Variants in KLF12 observed in about 807,000 individuals in gnomAD.
KLF12 encodes the protein Krueppel-like factor 12.
A neutral mutation model predicts 37.8 loss-of-function variants in KLF12; 9 were observed. The ratio of observed to expected loss-of-function variants is 0.24; its 90% CI spans 0.14 to 0.42. The LOEUF is 0.42. Among genes scored for constraint, KLF12 ranks in the 10% least tolerant of loss-of-function variants. The probability of loss-of-function intolerance (pLI) is 1.00; values close to 1 mark genes in which losing one functional copy is unlikely to be tolerated. For synonymous variants in KLF12, 208 were observed against 202.1 expected (o/e 1.03, Z -0.25); for missense variants, 411 against 516.0 (o/e 0.80, Z 1.97).
the KLF12 span, among the ~76,000 whole-genome samples, chr13:74,156,013 G>C: frequency 1.3e-5 from 2 of 152,180 alleles, no homozygotes; most frequent in Non-Finnish European, 1.5e-5. Context: ...TTGGTCCACT[G>C]TTGGTTGTGC....
intron 2 of KLF12, among the ~76,000 whole-genome samples, chr13:73,971,693 A>G (rs550895248): frequency 5.9e-5 from 9 of 152,332 alleles, no homozygotes; most frequent in African/African-American, 2.2e-4. Context: ...ACTGACGTCA[A>G]TGAAAATACT....
the KLF12 span, among the ~76,000 whole-genome samples, chr13:74,194,145 A>G: frequency 6.6e-6 from 1 of 152,218 alleles, no homozygotes; most frequent in Non-Finnish European, 1.5e-5. Flanking sequence ...AGACAGGTGC[A>G]TGATATATAA....
At chr13:74,038,432 C>G (rs143917926) in intron 1 of KLF12, among the ~76,000 whole-genome samples, 3 of 152,242 alleles carry the variant, frequency 2.0e-5, no homozygotes, top group African/African-American at 7.2e-5. Context: ...GATCTTTGAT[C>G]TGGAAGAACT....
intron 1 of KLF12, among the ~76,000 whole-genome samples, chr13:74,088,813 G>A (rs1164974743): frequency 6.6e-6 from 1 of 152,152 alleles, no homozygotes; most frequent in Non-Finnish European, 1.5e-5. Context: ...ACCAGATAGG[G>A]TCTTGAATGT....
chr13:74,145,096 T>C, the KLF12 span, among the ~76,000 whole-genome samples: 2 of 152,028 alleles, frequency 1.3e-5, no homozygotes, highest in Non-Finnish European at 2.9e-5. Context: ...AATAAAACAG[T>C]TCATGGAATT....
the KLF12 span, among the ~76,000 whole-genome samples, chr13:74,278,078 A>C: frequency 1.3e-5 from 2 of 152,108 alleles, no homozygotes; most frequent in African/African-American, 4.8e-5. Flanking sequence ...TGTGTGTTTA[A>C]TCTGGACGTG....
chr13:74,062,255 G>A (rs1332244083), intron 1 of KLF12, among the ~76,000 whole-genome samples: 3 of 152,148 alleles, frequency 2.0e-5, no homozygotes, highest in Non-Finnish European at 4.4e-5. Context: ...CATCAGTGAA[G>A]CTCAAAATGA....
At chr13:73,916,235 A>G (rs142892882) in intron 3 of KLF12, among the ~76,000 whole-genome samples, 494 of 33,440 alleles carry the variant, frequency 0.015, 3 homozygotes, top group African/African-American at 0.042. Flanking sequence ...ACACACACAC[A>G]CACACGCACA....
chr13:74,255,049 C>T, the KLF12 span, among the ~76,000 whole-genome samples: 8 of 152,082 alleles, frequency 5.3e-5, no homozygotes, highest in Non-Finnish European at 1.0e-4. Flanking sequence ...AGGTTGGCTG[C>T]CTGAGCTTTG....
At position 73,694,180 on chromosome 13, in the gene KLF12, T is replaced by C. The variant is rs950977597; in HGVS notation, c.*1310A>G. ...CGGGCTTTCTATGGGAAGCATTCTCTTTCCACTGATTCAGTTCCAAGGAGA... is the reference window on the plus strand; with the variant it reads ...CGGGCTTTCTATGGGAAGCATTCTCCTTCCACTGATTCAGTTCCAAGGAGA... On this transcript the variant is annotated 3_prime_UTR_variant, in exon 8 of 8. Coordinates refer to ENST00000377669, the MANE Select transcript of KLF12 (RefSeq NM_007249.5). The C allele has an allele frequency of 2.6e-5, 4 of 152,624 alleles. No individual in the cohort carries two copies. Among genetic ancestry groups the C allele is most frequent in the African/African-American group, 7.2e-5 (3 of 41,456 alleles). 9.5% of individuals were successfully genotyped at this position (152,624 alleles called of 1,614,324 possible). A position where few individuals can be genotyped will look rare whatever the true frequency, so the allele number is the denominator to read the frequency against.
chr13:73,783,679 G>A (rs1012587819), intron 5 of KLF12, among the ~76,000 whole-genome samples: 4 of 152,158 alleles, frequency 2.6e-5, no homozygotes, highest in African/African-American at 9.6e-5. Context: ...AAATGCCAGT[G>A]TAGTCTCATG....
chr13:73,693,454 G>C lies in KLF12; in HGVS notation c.*2036C>G, dbSNP rs1213826135. On this transcript the variant is annotated 3_prime_UTR_variant, in exon 8 of 8. Transcript: ENST00000377669. ...TTTTTGAGACCTGGCAGACAATATA[G>C]AGCACATATTTGTGAAGCCATAATT... The C allele has an allele frequency of 6.6e-6, 1 of 152,118 alleles. No individual in the cohort carries two copies. Among genetic ancestry groups the C allele is most frequent in the Non-Finnish European group, 1.5e-5 (1 of 68,024 alleles). The allele number at this position is 152,118 out of a possible 1,614,324, so 9.4% of individuals were successfully genotyped here. A position where few individuals can be genotyped will look rare whatever the true frequency, so the allele number is the denominator to read the frequency against.
At chr13:74,050,571 T>C (rs1872847475) in intron 1 of KLF12, among the ~76,000 whole-genome samples, 1 of 152,090 alleles carries the variant, frequency 6.6e-6, no homozygotes, top group Non-Finnish European at 1.5e-5. Flanking sequence ...CTGAACGCAT[T>C]GAGAGGAGAA....
At chr13:74,229,507 G>T in the KLF12 span, among the ~76,000 whole-genome samples, 3 of 152,178 alleles carry the variant, frequency 2.0e-5, no homozygotes, top group African/African-American at 7.2e-5. Context: ...GTGATGCATG[G>T]TAACAACAGT....
chr13:73,740,689 T>A (rs1713676133), intron 6 of KLF12, among the ~76,000 whole-genome samples: 1 of 152,198 alleles, frequency 6.6e-6, no homozygotes, highest in South Asian at 2.1e-4. Flanking sequence ...TCAAAGCAAC[T>A]ATTTAGACTT....
chr13:74,162,696 CT>C, the KLF12 span, among the ~76,000 whole-genome samples: 40 of 152,284 alleles, frequency 2.6e-4, no homozygotes, highest in East Asian at 6.4e-3. Context: ...TTTTCCACCC[CT>C]GGCAGAGGTT....
intron 1 of KLF12, among the ~76,000 whole-genome samples, chr13:74,032,655 C>T (rs1253833961): frequency 6.6e-6 from 1 of 151,998 alleles, no homozygotes; most frequent in East Asian, 1.9e-4. Flanking sequence ...ATGACCCAGG[C>T]CTCTCTCTAT....
intron 3 of KLF12, among the ~76,000 whole-genome samples, chr13:73,849,373 C>CAAAAAAAAAAAAAAAAAAA (rs1885196670): frequency 3.1e-5 from 1 of 32,366 alleles, no homozygotes; most frequent in African/African-American, 1.0e-4. Flanking sequence ...AGGGAGACTC[C>CAAAAAAAAAAAAAAAAAAA]ATAAAAAAAA....
intron 3 of KLF12, among the ~76,000 whole-genome samples, chr13:73,887,269 G>C (rs938510188): frequency 1.3e-5 from 2 of 152,146 alleles, no homozygotes. Context: ...AGAATTAAAA[G>C]ATGATATGGT....
Sources: gnomAD v4.1 joint callset for allele counts (sites outside exome capture counted in the v4.1 genomes callset) on GRCh38, gnomAD v4.1.1 for gene constraint, MANE v1.5 for transcripts, NCBI Gene and HGNC (gene_info 2026-07-23, HGNC 2026-07-21) for gene names.